The following SLC8A1 variants were observed in gnomAD, a reference collection of about 807,000 sequenced individuals.
The protein encoded by SLC8A1 is solute carrier family 8 member A1, also known as sodium/calcium exchanger 1.
Under a neutral mutation model 68.3 loss-of-function variants are expected in SLC8A1, and 18 were observed. The ratio of observed to expected loss-of-function variants is 0.26; its 90% CI spans 0.18 to 0.39. The LOEUF (loss-of-function observed/expected upper bound fraction) is 0.39, where lower values mean the gene tolerates loss of function less well. SLC8A1 is among the 10% of genes least tolerant of loss of function. SLC8A1 has a pLI of 1.00. For missense variants in SLC8A1, 985 were observed against 1,156.7 expected, an observed-to-expected ratio of 0.85 and a Z score of 2.15; for synonymous variants, 475 against 415.5, an observed-to-expected ratio of 1.14 and a Z score of -1.74.
intron 6 of SLC8A1, among the ~76,000 whole-genome samples, chr2:40,155,089 C>T (rs2044220607): frequency 1.3e-5 from 2 of 152,044 alleles, no homozygotes; most frequent in African/African-American, 4.8e-5. Context: ...GTCTTCTAGA[C>T]ACACTGAGGC....
chr2:40,475,528 ATATT>A (rs1040450780), intron 1 of SLC8A1, among the ~76,000 whole-genome samples: 2 of 152,110 alleles, frequency 1.3e-5, no homozygotes, highest in Non-Finnish European at 2.9e-5. Context: ...GATTTATTAA[ATATT>A]TAGTTTTTAA....
At chr2:40,261,765 T>A (rs539157972) in intron 2 of SLC8A1, among the ~76,000 whole-genome samples, 5 of 152,280 alleles carry the variant, frequency 3.3e-5, no homozygotes, top group Admixed American at 6.5e-5. Flanking sequence ...GCACTGTGCT[T>A]TTCAGTAAGT....
intron 2 of SLC8A1, among the ~76,000 whole-genome samples, chr2:40,200,895 G>C (rs1213556374): frequency 1.3e-5 from 2 of 151,706 alleles, no homozygotes; most frequent in Admixed American, 6.6e-5. Flanking sequence ...GATAAAACTG[G>C]TGAGTATGAG....
At chr2:40,349,145 AAG>A (rs1670278878) in intron 2 of SLC8A1, among the ~76,000 whole-genome samples, 1 of 152,198 alleles carries the variant, frequency 6.6e-6, no homozygotes, top group Admixed American at 6.5e-5. Context: ...AAGGAAAATT[AAG>A]AGTTTATGAA....
chr2:40,282,177 C>G (rs904446115), intron 2 of SLC8A1, among the ~76,000 whole-genome samples: 21 of 151,942 alleles, frequency 1.4e-4, no homozygotes, highest in African/African-American at 5.1e-4. Flanking sequence ...TGTTTCTTAC[C>G]TCATTCAGAG....
At chr2:40,325,951 C>A (rs1265376183) in intron 2 of SLC8A1, among the ~76,000 whole-genome samples, 1 of 152,006 alleles carries the variant, frequency 6.6e-6, no homozygotes, top group Admixed American at 6.6e-5. Context: ...GAGTTCACTG[C>A]TGGGCCTCCA....
Position 40,138,840 on chromosome 2 carries a change from T to A in SLC8A1, c.2437+561A>T, listed in dbSNP as rs571274469. 2.0e-5 allele frequency among the ~76,000 whole-genome samples: 3 copies of A among 152,340 alleles called. No homozygotes were observed. The East Asian group carries it at 5.8e-4, about 29-fold the overall frequency. On this transcript the variant is annotated intron_variant, in intron 7 of 7. Transcript: ENST00000406785. Reference sequence around the variant, plus strand: ...TTGTAAGGAATGCATGAAGGGATGTTCATGAAATATACATTTGGCCTGTCC... The same window carrying A: ...TTGTAAGGAATGCATGAAGGGATGTACATGAAATATACATTTGGCCTGTCC...
At chr2:40,132,108 A>C (rs2039497895) in intron 7 of SLC8A1, among the ~76,000 whole-genome samples, 1 of 152,086 alleles carries the variant, frequency 6.6e-6, no homozygotes. Flanking sequence ...TAAAAGTAAA[A>C]AATAATAAAA....
intron 2 of SLC8A1, among the ~76,000 whole-genome samples, chr2:40,382,591 G>A (rs1449492232): frequency 2.0e-5 from 3 of 152,090 alleles, no homozygotes; most frequent in Non-Finnish European, 4.4e-5. Context: ...CTGATTTGAT[G>A]TAAAGAAGAC....
chr2:40,452,229 A>G (rs576943615), upstream of SLC8A1, among the ~76,000 whole-genome samples: 288 of 149,776 alleles, frequency 1.9e-3, 5 homozygotes, highest in Admixed American at 0.016. Context: ...GCACTCGCTC[A>G]CACGCGCGCT....
intron 2 of SLC8A1, among the ~76,000 whole-genome samples, chr2:40,373,223 T>G (rs1419819617): frequency 6.6e-6 from 1 of 152,108 alleles, no homozygotes; most frequent in Non-Finnish European, 1.5e-5. Flanking sequence ...AATTGCAAAA[T>G]TAAATTTATC....
At chr2:40,307,025 G>T (rs374645600) in intron 2 of SLC8A1, among the ~76,000 whole-genome samples, 2 of 152,088 alleles carry the variant, frequency 1.3e-5, no homozygotes, top group South Asian at 2.1e-4. Flanking sequence ...CACAAGAAAG[G>T]TCTTCAAGAA....
At chr2:40,254,444 G>GGTCATCAGAAAACATGA (rs2063544001) in intron 2 of SLC8A1, 1 of 145,702 alleles carries the variant, frequency 6.9e-6, no homozygotes, top group Non-Finnish European at 1.5e-5. Flanking sequence ...GCATCAGACA[G>GGTCATCAGAAAACATGA]GTCATCAGAA....
chr2:40,485,910 C>T (rs1010623992), intron 1 of SLC8A1, among the ~76,000 whole-genome samples: 18 of 152,114 alleles, frequency 1.2e-4, no homozygotes, highest in African/African-American at 4.3e-4. Context: ...TAAATTGATA[C>T]ATAAATTGCC....
chr2:40,424,895 G>A (rs1696456056), intron 2 of SLC8A1, among the ~76,000 whole-genome samples: 1 of 151,768 alleles, frequency 6.6e-6, no homozygotes, highest in Non-Finnish European at 1.5e-5. Context: ...TTAAGCTAAT[G>A]TTAGACCTTG....
At chr2:40,447,840 AC>A (rs1363334885) in intron 1 of SLC8A1, among the ~76,000 whole-genome samples, 3 of 152,200 alleles carry the variant, frequency 2.0e-5, no homozygotes, top group Admixed American at 6.5e-5. Flanking sequence ...GCCCTTGATC[AC>A]AAAAGCATTT....
At chr2:40,474,117 T>C (rs991471893) in intron 1 of SLC8A1, among the ~76,000 whole-genome samples, 21 of 152,188 alleles carry the variant, frequency 1.4e-4, no homozygotes, top group African/African-American at 4.3e-4. Flanking sequence ...ACTATCTCCT[T>C]ACAAGACTGG....
intron 1 of SLC8A1, among the ~76,000 whole-genome samples, chr2:40,485,195 C>T (rs886488152): frequency 6.6e-6 from 1 of 152,084 alleles, no homozygotes; most frequent in Non-Finnish European, 1.5e-5. Context: ...ACAACCTCAA[C>T]AGGGTCAAGG....
chr2:40,386,203 T>C (rs947134423), intron 2 of SLC8A1, among the ~76,000 whole-genome samples: 11 of 151,454 alleles, frequency 7.3e-5, no homozygotes, highest in Non-Finnish European at 1.3e-4. Context: ...AGGAAATACG[T>C]GGAAATCTTA....
Sources: gnomAD v4.1 joint callset for allele counts (sites outside exome capture counted in the v4.1 genomes callset) on GRCh38, gnomAD v4.1.1 for gene constraint, MANE v1.5 for transcripts, NCBI Gene and HGNC (gene_info 2026-07-23, HGNC 2026-07-21) for gene names.